SCLT1: variants seen among roughly 807,000 people sequenced by gnomAD.
SCLT1 encodes sodium channel-associated protein 1.
In SCLT1, 78 loss-of-function variants were observed where a neutral mutation model predicts 112.8. The ratio of observed to expected loss-of-function variants is 0.69; its 90% CI spans 0.58 to 0.83. The LOEUF is 0.83. SCLT1 is among the 40% of genes least tolerant of loss of function. The pLI is 0.00. For synonymous variants in SCLT1, 257 were observed against 254.7 expected (o/e 1.01, Z -0.09); for missense variants, 747 against 770.4 (o/e 0.97, Z 0.36).
chr4:128,978,467 CAA>C (rs1741375701), intron 9 of SCLT1, among the ~76,000 whole-genome samples: 1 of 151,630 alleles, frequency 6.6e-6, no homozygotes, highest in Non-Finnish European at 1.5e-5. Context: ...AAACAAGCAA[CAA>C]AAGTCAGAGA....
chr4:128,961,875 G>A (rs1252030508), intron 11 of SCLT1, among the ~76,000 whole-genome samples: 2 of 152,148 alleles, frequency 1.3e-5, no homozygotes, highest in Admixed American at 1.3e-4. Context: ...AGAGAAGACT[G>A]CAATGATTGT....
chr4:128,921,134 T>C (rs961975326), intron 18 of SCLT1, among the ~76,000 whole-genome samples: 8 of 152,088 alleles, frequency 5.3e-5, no homozygotes, highest in African/African-American at 1.9e-4. Flanking sequence ...AACAGAACAC[T>C]GCTCAAAGAA....
chr4:128,906,245 T>C (rs771143016), intron 18 of SCLT1, among the ~76,000 whole-genome samples: 1 of 152,208 alleles, frequency 6.6e-6, no homozygotes, highest in Non-Finnish European at 1.5e-5. Flanking sequence ...TCGCCCAGGC[T>C]GGAGTGCAGT....
At chr4:128,893,019 C>G (rs909200138) in intron 18 of SCLT1, among the ~76,000 whole-genome samples, 1 of 152,084 alleles carries the variant, frequency 6.6e-6, no homozygotes, top group Non-Finnish European at 1.5e-5. Context: ...GGTCAGTCTT[C>G]TAGGTCAAAT....
chr4:128,955,327 T>C (rs998461322), intron 13 of SCLT1, among the ~76,000 whole-genome samples: 1 of 152,166 alleles, frequency 6.6e-6, no homozygotes, highest in African/African-American at 2.4e-5. Flanking sequence ...AGGACATTTA[T>C]AAACCAAATA....
intron 18 of SCLT1, among the ~76,000 whole-genome samples, chr4:128,920,314 G>A (rs1262298645): frequency 6.6e-6 from 1 of 152,200 alleles, no homozygotes; most frequent in Non-Finnish European, 1.5e-5. Context: ...CATCTCAACA[G>A]ATGCAGATCC....
At chr4:128,919,781 C>T (rs769541771) in intron 18 of SCLT1, among the ~76,000 whole-genome samples, 1 of 151,530 alleles carries the variant, frequency 6.6e-6, no homozygotes, top group African/African-American at 2.4e-5. Context: ...CATCTCTATG[C>T]ACACAAACCA....
chr4:129,091,041 G>A (rs1451604646), intron 1 of SCLT1, among the ~76,000 whole-genome samples: 5 of 152,162 alleles, frequency 3.3e-5, no homozygotes, highest in Non-Finnish European at 7.3e-5. Context: ...AGACAATCAA[G>A]ATCAACAGAA....
chr4:128,969,414 T>C (rs186450538), intron 10 of SCLT1, among the ~76,000 whole-genome samples: 1 of 151,826 alleles, frequency 6.6e-6, no homozygotes, highest in Non-Finnish European at 1.5e-5. Flanking sequence ...CTACCAAAAA[T>C]ACAAAAAATT....
chr4:129,055,007 A>G (rs1749221355), intron 2 of SCLT1, among the ~76,000 whole-genome samples: 1 of 152,146 alleles, frequency 6.6e-6, no homozygotes, highest in African/African-American at 2.4e-5. Context: ...TTCTTCTAAC[A>G]GTCAGTCCCC....
intron 18 of SCLT1, among the ~76,000 whole-genome samples, chr4:128,896,032 T>C (rs1218759267): frequency 6.6e-6 from 1 of 152,172 alleles, no homozygotes; most frequent in African/African-American, 2.4e-5. Flanking sequence ...GTAAACAAAG[T>C]GGCCAGGAAG....
At chr4:129,024,553 C>T (rs1439418514) in intron 5 of SCLT1, among the ~76,000 whole-genome samples, 1 of 152,152 alleles carries the variant, frequency 6.6e-6, no homozygotes, top group African/African-American at 2.4e-5. Context: ...ATCTGTACAT[C>T]ACCATCATCA....
chr4:129,003,972 C>G, intron 5 of SCLT1, 96 bp from the exon 6 acceptor site: 1 of 1,070,004 alleles, frequency 9.3e-7, no homozygotes, highest in Non-Finnish European at 1.4e-6. Context: ...AACAATAACT[C>G]TTTAAACAAA....
intron 18 of SCLT1, among the ~76,000 whole-genome samples, chr4:128,901,389 G>A (rs1032351575): frequency 7.2e-5 from 11 of 152,124 alleles, no homozygotes; most frequent in Non-Finnish European, 1.3e-4. Flanking sequence ...GATGAAGCTG[G>A]AAACCATCAT....
At chr4:129,071,871 GT>G (rs1336446767) in intron 2 of SCLT1, among the ~76,000 whole-genome samples, 1 of 151,862 alleles carries the variant, frequency 6.6e-6, no homozygotes, top group Non-Finnish European at 1.5e-5. Context: ...TGGTTTTTTT[GT>G]TTTTGCTTTT....
chr4:129,024,295 C>T (rs558506044), intron 5 of SCLT1, among the ~76,000 whole-genome samples: 2 of 152,200 alleles, frequency 1.3e-5, no homozygotes, highest in South Asian at 2.1e-4. Context: ...TGGAAGGCAC[C>T]CCCAAGTAGG....
chr4:129,061,351 C>G (rs1182388953), intron 2 of SCLT1, among the ~76,000 whole-genome samples: 1 of 152,132 alleles, frequency 6.6e-6, no homozygotes, highest in Non-Finnish European at 1.5e-5. Flanking sequence ...ACTCTAGGGG[C>G]TAGTCCAGCT....
At chr4:129,078,090 G>T (rs952939647) in intron 2 of SCLT1, among the ~76,000 whole-genome samples, 1 of 152,162 alleles carries the variant, frequency 6.6e-6, no homozygotes, top group African/African-American at 2.4e-5. Context: ...TAGGAATCAA[G>T]ATTTGGTTGC....
At chr4:129,059,555 G>A (rs1749762901) in intron 2 of SCLT1, among the ~76,000 whole-genome samples, 1 of 152,178 alleles carries the variant, frequency 6.6e-6, no homozygotes, top group Non-Finnish European at 1.5e-5. Context: ...GAGTGGTCAT[G>A]AATTTTCTCA....
Sources: gnomAD v4.1 joint callset for allele counts (sites outside exome capture counted in the v4.1 genomes callset) on GRCh38, gnomAD v4.1.1 for gene constraint, MANE v1.5 for transcripts, NCBI Gene and HGNC (gene_info 2026-07-23, HGNC 2026-07-21) for gene names.